ATP8A2: variants seen among roughly 807,000 people sequenced by gnomAD.
The protein encoded by ATP8A2 is phospholipid-transporting ATPase IB.
Under a neutral mutation model 165.6 loss-of-function variants are expected in ATP8A2, and 100 were observed. The observed-to-expected ratio is 0.60, with a 90% CI of 0.51 to 0.71. The LOEUF (loss-of-function observed/expected upper bound fraction) is 0.71, where lower values mean the gene tolerates loss of function less well. Ranked by LOEUF, ATP8A2 falls within the 30% of genes least tolerant of loss-of-function variation. The pLI, the probability that ATP8A2 is intolerant of heterozygous loss-of-function variation, is 0.00. For missense variants in ATP8A2, 1,227 were observed against 1,479.5 expected (o/e 0.83, Z 2.80); for synonymous variants, 543 against 548.8 (o/e 0.99, Z 0.15).
At chr13:25,759,405 AACTCAAAC>A (rs1416970263) in intron 25 of ATP8A2, among the ~76,000 whole-genome samples, 2 of 152,118 alleles carry the variant, frequency 1.3e-5, no homozygotes, top group East Asian at 3.8e-4. Context: ...GAAATGTCAA[AACTCAAAC>A]ACTTCTCAGC....
At chr13:25,582,771 A>T (rs762043965) in intron 23 of ATP8A2, among the ~76,000 whole-genome samples, 15 of 152,196 alleles carry the variant, frequency 9.9e-5, no homozygotes, top group Non-Finnish European at 2.2e-4. Flanking sequence ...TCTCAACATA[A>T]TCCAATGGTG....
rs533461702 is a variant in ATP8A2 at position 25,476,323 on chromosome 13, T to C, written c.221+7202T>C. ...TTTTTTGAGATGGAGTCTCACTCTATTGGCCAGGCTAGAGTGCAGTGGCGC... is the reference window on the plus strand; with the variant it reads ...TTTTTTGAGATGGAGTCTCACTCTACTGGCCAGGCTAGAGTGCAGTGGCGC... On this transcript the variant is annotated intron_variant, in intron 2 of 36. Transcript: ENST00000381655. Among the ~76,000 whole-genome samples the C allele has an allele frequency of 5.3e-5, 8 of 152,160 alleles. No homozygotes were observed. In the South Asian group the frequency reaches 1.7e-3, roughly 32 times the overall value.
chr13:25,814,978 A>C (rs1950973448), intron 27 of ATP8A2, among the ~76,000 whole-genome samples: 2 of 152,160 alleles, frequency 1.3e-5, no homozygotes, highest in Non-Finnish European at 2.9e-5. Flanking sequence ...AGGCTGCAGT[A>C]GGCCGTGATT....
chr13:25,973,421 C>A (rs1215776588), intron 35 of ATP8A2, among the ~76,000 whole-genome samples: 2 of 152,114 alleles, frequency 1.3e-5, no homozygotes, highest in Non-Finnish European at 2.9e-5. Flanking sequence ...CTGGTCACAG[C>A]CTTGGACAGG....
intron 1 of ATP8A2, among the ~76,000 whole-genome samples, chr13:25,412,595 G>C (rs555683995): frequency 6.6e-6 from 1 of 152,194 alleles, no homozygotes; most frequent in African/African-American, 2.4e-5. Flanking sequence ...GGGCCTTCAG[G>C]CTTCTTGGAA....
intron 15 of ATP8A2, among the ~76,000 whole-genome samples, chr13:25,561,537 T>C (rs939566541): frequency 2.1e-5 from 3 of 143,164 alleles, no homozygotes; most frequent in Admixed American, 2.1e-4. Context: ...TGCCCACCCC[T>C]GGTGTTTTGA....
chr13:25,807,372 G>A (rs888955291), intron 27 of ATP8A2, among the ~76,000 whole-genome samples: 23 of 152,090 alleles, frequency 1.5e-4, no homozygotes, highest in Non-Finnish European at 2.9e-5. Context: ...ATGGTGTGAG[G>A]TAGTTGTCCA....
In ATP8A2 at chr13:25,978,936, G is replaced by T. The variant is rs565346163; in HGVS notation, c.3377+10257G>T. On this transcript the variant is annotated intron_variant, in intron 35 of 36. Transcript: ENST00000381655. ...GCCTGGGCGACAGAGCGAGACTACG[G>T]CTCAAAAAAAAAAGCCTCAGGAGAA... is the stretch of plus-strand genomic sequence containing the variant. Among the ~76,000 whole-genome samples the T allele has an allele frequency of 6.2e-4, 94 of 151,376 alleles. 1 individual carries two copies. Among genetic ancestry groups the T allele is most frequent in the Non-Finnish European group, 6.9e-4 (47 of 67,790 alleles).
chr13:25,760,001 A>G (rs1336112319), intron 25 of ATP8A2, among the ~76,000 whole-genome samples: 2 of 152,102 alleles, frequency 1.3e-5, no homozygotes. Flanking sequence ...CTGAACCCCC[A>G]AGCAAAGTAT....
intron 1 of ATP8A2, among the ~76,000 whole-genome samples, chr13:25,441,021 G>T (rs2034917666): frequency 6.6e-6 from 1 of 152,152 alleles, no homozygotes; most frequent in Non-Finnish European, 1.5e-5. Context: ...CTTGGAATAG[G>T]TTCTCTGCTT....
intron 24 of ATP8A2, among the ~76,000 whole-genome samples, chr13:25,689,851 T>A (rs1253342224): frequency 6.6e-6 from 1 of 152,170 alleles, no homozygotes; most frequent in South Asian, 2.1e-4. Flanking sequence ...GATCACACTT[T>A]GAAATAATTT....
At chr13:25,848,679 C>T (rs952066198) in intron 30 of ATP8A2, among the ~76,000 whole-genome samples, 13 of 152,164 alleles carry the variant, frequency 8.5e-5, no homozygotes, top group Admixed American at 7.2e-4. Context: ...GAGCTTCACC[C>T]GGCAGCGCTG....
chr13:25,522,704 A>G (rs1248061198), intron 2 of ATP8A2, among the ~76,000 whole-genome samples: 1 of 152,236 alleles, frequency 6.6e-6, no homozygotes, highest in Non-Finnish European at 1.5e-5. Flanking sequence ...AATGTCATAT[A>G]TCACATTTAT....
intron 35 of ATP8A2, among the ~76,000 whole-genome samples, chr13:25,981,158 A>G (rs1956164268): frequency 1.3e-5 from 2 of 152,146 alleles, no homozygotes; most frequent in Non-Finnish European, 2.9e-5. Flanking sequence ...TTAGTTGCCA[A>G]GTTTGTGTTT....
chr13:25,699,125 A>G, intron 24 of ATP8A2, 48 bp from the exon 25 acceptor site: 1 of 1,399,972 alleles, frequency 7.1e-7, no homozygotes, highest in Non-Finnish European at 9.5e-7. Context: ...TTTGTTTTTG[A>G]TATTAAACAC....
intron 33 of ATP8A2, among the ~76,000 whole-genome samples, chr13:25,946,293 G>C (rs79716706): frequency 0.023 from 3,567 of 152,144 alleles, 147 homozygotes; most frequent in African/African-American, 0.081. Flanking sequence ...CTCTCCTCCT[G>C]AGAGTCTCTC....
In ATP8A2 at chr13:25,553,791, A is replaced by G. The variant is rs1304832284; in HGVS notation, c.1058-2A>G. On this transcript the variant is annotated splice_acceptor_variant, in intron 11 of 36. Transcript: ENST00000381655. LOFTEE classifies it high-confidence loss of function. ...TTCAGATACTCTGGTTTCCTTCCAC[A>G]GACACCACCTCAGATAATTTTGGAT... 1 of 1,611,158 alleles carries G rather than the reference A, an allele frequency of 6.2e-7. No individual in the cohort carries two copies. The highest frequency in any genetic ancestry group is 8.5e-7 in the Non-Finnish European group (1 of 1,178,996).
intron 27 of ATP8A2, among the ~76,000 whole-genome samples, chr13:25,781,433 TTG>T (rs2044876111): frequency 6.6e-6 from 1 of 152,214 alleles, no homozygotes; most frequent in Non-Finnish European, 1.5e-5. Context: ...GTGAGAGATT[TTG>T]TTTTATCATC....
chr13:25,968,727 CT>C, intron 35 of ATP8A2, 48 bp downstream of exon 35: 4 of 1,437,970 alleles, frequency 2.8e-6, no homozygotes, highest in Non-Finnish European at 2.9e-6. Context: ...GCTCCCGGCC[CT>C]TTTCCCTTAT....
Sources: gnomAD v4.1 joint callset for allele counts (sites outside exome capture counted in the v4.1 genomes callset) on GRCh38, gnomAD v4.1.1 for gene constraint, MANE v1.5 for transcripts, NCBI Gene and HGNC (gene_info 2026-07-23, HGNC 2026-07-21) for gene names.